ANGEL1: variants seen among roughly 807,000 people sequenced by gnomAD.
The protein encoded by ANGEL1 is RNA 2',3'-cyclic phosphatase ANGEL1.
Under a neutral mutation model 76.4 loss-of-function variants are expected in ANGEL1, and 62 were observed. That is an observed-to-expected ratio of 0.81 (90% CI 0.66 to 1.00). The LOEUF is 1.00. Ranked by LOEUF, ANGEL1 falls within the 50% of genes least tolerant of loss-of-function variation. ANGEL1 has a pLI of 0.00. For synonymous variants in ANGEL1, 340 were observed against 331.7 expected (o/e 1.03, Z -0.27); for missense variants, 737 against 836.7 (o/e 0.88, Z 1.47).
Position 76,812,604 on chromosome 14 carries a change from C to T in ANGEL1, c.64+160G>A, listed in dbSNP as rs374358524. On this transcript the variant is annotated intron_variant, in intron 1 of 9. Transcript: ENST00000251089. ...CCAGGCCTCGTGGGGTCAGGAGGGG[C>T]CCGCGGGGCAGGGGCTCAGGACCGC... is the stretch of plus-strand genomic sequence containing the variant. The T allele has an allele frequency of 6.9e-6, 9 of 1,300,780 alleles. No individual in the cohort carries two copies. The East Asian group carries it at 2.8e-4, about 41-fold the overall frequency. The allele number at this position is 1,300,780 out of a possible 1,614,324, so 80.6% of individuals were successfully genotyped here.
At chr14:76,791,592 C>T (rs1894407134) in intron 7 of ANGEL1, among the ~76,000 whole-genome samples, 3 of 152,106 alleles carry the variant, frequency 2.0e-5, no homozygotes, top group Non-Finnish European at 1.5e-5. Flanking sequence ...TTCTGTGGCT[C>T]CTCACCTTTG....
intron 7 of ANGEL1, among the ~76,000 whole-genome samples, chr14:76,799,829 A>T (rs976821690): frequency 1.3e-5 from 2 of 151,612 alleles, no homozygotes; most frequent in African/African-American, 4.8e-5. Context: ...ACACGAGCCT[A>T]GGAGATCAAG....
chr14:76,811,083 C>T (rs1895069222), intron 1 of ANGEL1, among the ~76,000 whole-genome samples: 1 of 152,242 alleles, frequency 6.6e-6, no homozygotes, highest in South Asian at 2.1e-4. Context: ...CCTCGGAAGA[C>T]ATTTAGCAAC....
intron 5 of ANGEL1, among the ~76,000 whole-genome samples, chr14:76,805,012 A>ACAAT (rs554377377): frequency 6.8e-6 from 1 of 146,958 alleles, no homozygotes; most frequent in East Asian, 2.0e-4. Flanking sequence ...TCTGTCTCAA[A>ACAAT]AAATAAATAA....
chr14:76,793,557 G>GTT (rs113463837), intron 7 of ANGEL1, among the ~76,000 whole-genome samples: 1,942 of 131,650 alleles, frequency 0.015, 37 homozygotes, highest in African/African-American at 0.039. Context: ...GGTTTTTTTG[G>GTT]TTTTTTTTTT....
rs2140202655 is a variant in ANGEL1 at position 76,786,736 on chromosome 14, G to A, written c.*2492C>T. ...AGGAAGGAAGAGACATTTTTCCAGC[G>A]ACAGATGGCCCACTGCTCAGCCCTG... On this transcript the variant is annotated 3_prime_UTR_variant, in exon 10 of 10. Transcript: ENST00000251089. 1 of 152,316 alleles carries A rather than the reference G, an allele frequency of 6.6e-6. No homozygotes were observed. The highest frequency in any genetic ancestry group is 2.1e-4 in the South Asian group (1 of 4,814). The allele number at this position is 152,316 out of a possible 1,614,324, so 9.4% of individuals were successfully genotyped here.
rs111655636 is a variant in ANGEL1, at chr14:76,807,517, A to G, written c.877-15T>C. Reference sequence around the variant, plus strand: ...AGACACAGGATCTGGGAAATTGACAAGAAACCCAATCACTCCAGAGTGCTG... The same window carrying G: ...AGACACAGGATCTGGGAAATTGACAGGAAACCCAATCACTCCAGAGTGCTG... On this transcript the variant is annotated splice_polypyrimidine_tract_variant and intron_variant, in intron 3 of 9. Transcript: ENST00000251089. The G allele has an allele frequency of 6.7e-4, 1,074 of 1,612,944 alleles. 6 individuals are homozygous for G. In the African/African-American group the frequency reaches 0.013, roughly 19 times the overall value.
At chr14:76,792,582 A>G (rs1233174177) in intron 7 of ANGEL1, among the ~76,000 whole-genome samples, 1 of 152,196 alleles carries the variant, frequency 6.6e-6, no homozygotes, top group Non-Finnish European at 1.5e-5. Flanking sequence ...ATGGTTTAAC[A>G]TCTGAAAAAT....
chr14:76,796,244 T>G (rs1452508174), intron 7 of ANGEL1, among the ~76,000 whole-genome samples: 1 of 150,968 alleles, frequency 6.6e-6, no homozygotes, highest in African/African-American at 2.4e-5. Context: ...CATAGTATTT[T>G]TTTTCTTTTT....
chr14:76,804,047 A>G (rs969022640), intron 5 of ANGEL1, 135 bp from the exon 6 acceptor site: 1 of 1,565,790 alleles, frequency 6.4e-7, no homozygotes. Context: ...CAAGCATATA[A>G]GTCTCAGGGG....
rs764450742 is a variant in ANGEL1 at position 76,809,530 on chromosome 14, G to A, written c.178C>T (p.Leu60=). ...CCTTCTTCTCGCCACTGCTGCAGCAGGCCCTCACATTCCTCCTGCTCAGGG... is the reference window on the plus strand; with the variant it reads ...CCTTCTTCTCGCCACTGCTGCAGCAAGCCCTCACATTCCTCCTGCTCAGGG... ...RGPEQEECEG[L]LQQWREEGLS... The change falls in exon 2 of 10, where the codon CTG becomes TTG. Residue 60 remains leucine (L), a synonymous_variant. Coordinates refer to ENST00000251089, the MANE Select transcript of ANGEL1 (RefSeq NM_015305.4). 5.6e-6 allele frequency: 9 copies of A among 1,614,222 alleles called. No homozygotes were observed. The highest frequency in any genetic ancestry group is 7.6e-6 in the Non-Finnish European group (9 of 1,180,036).
intron 7 of ANGEL1, among the ~76,000 whole-genome samples, chr14:76,794,564 G>A (rs1411336472): frequency 2.0e-5 from 3 of 151,562 alleles, no homozygotes; most frequent in Non-Finnish European, 2.9e-5. Context: ...CCAGCTACTC[G>A]GGAGGCTGAG....
At chr14:76,799,854 CA>C (rs1489327062) in intron 7 of ANGEL1, among the ~76,000 whole-genome samples, 1 of 149,228 alleles carries the variant, frequency 6.7e-6, no homozygotes, top group African/African-American at 2.5e-5. Context: ...CACAGTGAGC[CA>C]TGACTGTACC....
Position 76,808,057 on chromosome 14 carries a change from C to T in ANGEL1, c.741G>A (p.Leu247=). The change falls in exon 3 of 10, where the codon CTG becomes CTA. Residue 247 remains leucine (L), a synonymous_variant. Transcript: ENST00000251089. ...AGDGPQFQFT[L]MSYNILAQDL... Reference sequence around the variant, plus strand: ...CCTGAGCCAGGATGTTATAAGACATCAGAGTGAACTGGAACTGAGGGCCAT... The same window carrying T: ...CCTGAGCCAGGATGTTATAAGACATTAGAGTGAACTGGAACTGAGGGCCAT... The T allele has an allele frequency of 6.2e-7, 1 of 1,614,132 alleles. No homozygotes were observed. Among genetic ancestry groups the T allele is most frequent in the African/African-American group, 1.3e-5 (1 of 75,046 alleles).
chr14:76,812,873 G>A lies in ANGEL1; in HGVS notation c.-46C>T, dbSNP rs1441915529. ...CTCCGCTCCTCACTGCAGCCAGCAG[G>A]TCCTCCCTCAGCTCGGCCCCGCCCC... is the stretch of plus-strand genomic sequence containing the variant. On this transcript the variant is annotated 5_prime_UTR_variant, in exon 1 of 10. Coordinates refer to ENST00000251089, the MANE Select transcript of ANGEL1 (RefSeq NM_015305.4). The A allele has an allele frequency of 7.5e-6, 11 of 1,473,932 alleles. No individual in the cohort carries two copies. Among genetic ancestry groups the A allele is most frequent in the Non-Finnish European group, 9.9e-6 (11 of 1,113,796 alleles). 91.3% of individuals were successfully genotyped at this position (1,473,932 alleles called of 1,614,324 possible). A position where few individuals can be genotyped will look rare whatever the true frequency, so the allele number is the denominator to read the frequency against.
At chr14:76,809,707 T>G in intron 1 of ANGEL1, 64 bp from the exon 2 acceptor site, 1 of 1,407,896 alleles carries the variant, frequency 7.1e-7, no homozygotes, top group Non-Finnish European at 9.8e-7. Context: ...TTCTCCCAGC[T>G]AAAACATAAG....
chr14:76,807,792 G>A, intron 3 of ANGEL1, 130 bp downstream of exon 3: 2 of 1,027,288 alleles, frequency 1.9e-6, no homozygotes, highest in East Asian at 2.6e-5. Flanking sequence ...ACACCAGGCA[G>A]GCAAGCTCCA....
chr14:76,803,707 T>C lies in ANGEL1; in HGVS notation c.1507+79A>G, dbSNP rs1437500026. 4 of 1,529,032 alleles carry C rather than the reference T, an allele frequency of 2.6e-6. No individual in the cohort carries two copies. The South Asian group carries it at 3.9e-5, about 15-fold the overall frequency. 94.7% of individuals were successfully genotyped at this position (1,529,032 alleles called of 1,614,324 possible). On this transcript the variant is annotated intron_variant, in intron 6 of 9. Transcript: ENST00000251089. ...CTAAGAGAAATGAGGGATTACACTT[T>C]TTCTTGTCGTTGAGACACCAGCTTT... is the stretch of plus-strand genomic sequence containing the variant.
chr14:76,812,142 GC>G (rs918923929), intron 1 of ANGEL1, among the ~76,000 whole-genome samples: 13 of 152,216 alleles, frequency 8.5e-5, no homozygotes, highest in Non-Finnish European at 1.6e-4. Context: ...ACTGGGCATT[GC>G]CCCCACCCCA....
Sources: allele counts gnomAD v4.1 joint callset (sites outside exome capture counted in the v4.1 genomes callset), GRCh38; gene constraint gnomAD v4.1.1; transcripts MANE v1.5; gene names NCBI Gene and HGNC (gene_info 2026-07-23, HGNC 2026-07-21).